The following FAM167A variants were observed in gnomAD, a reference collection of about 807,000 sequenced individuals.
The protein encoded by FAM167A is family with sequence similarity 167 member A, also known as protein FAM167A.
Under a neutral mutation model 14.9 loss-of-function variants are expected in FAM167A, and 23 were observed. The observed-to-expected ratio is 1.55, with a 90% CI of 1.11 to 2.19. FAM167A has a LOEUF of 2.19. FAM167A is among the 30% of genes most tolerant of loss of function. The pLI is 0.00. For synonymous variants in FAM167A, 174 were observed against 117.7 expected (o/e 1.48, Z -3.10); for missense variants, 401 against 281.5 (o/e 1.42, Z -3.04).
rs1372138590 is a variant in FAM167A at position 11,466,642 on chromosome 8, G to A, written c.-414C>T. 1 of 152,388 alleles carries A rather than the reference G, an allele frequency of 6.6e-6. No individual in the cohort carries two copies. Among genetic ancestry groups the A allele is most frequent in the African/African-American group, 2.4e-5 (1 of 41,464 alleles). The allele number at this position is 152,388 out of a possible 1,614,324, so 9.4% of individuals were successfully genotyped here. A position where few individuals can be genotyped will look rare whatever the true frequency, so the allele number is the denominator to read the frequency against. On this transcript the variant is annotated 5_prime_UTR_variant, in exon 1 of 3. Transcript: ENST00000284486. ...CGAACCCACCTTCCGGGAGCCCAGG[G>A]GCCCTGCTGGGGACTCGCCGGTGTC... is the stretch of plus-strand genomic sequence containing the variant.
chr8:11,472,685 T>C (rs538065457), intron 1 of FAM167A, among the ~76,000 whole-genome samples: 1 of 152,158 alleles, frequency 6.6e-6, no homozygotes, highest in South Asian at 2.1e-4. Flanking sequence ...CTACTTTGAG[T>C]AATGGAAAGA....
chr8:11,455,798 TGA>T (rs1472208572), intron 1 of FAM167A, among the ~76,000 whole-genome samples: 5 of 145,620 alleles, frequency 3.4e-5, no homozygotes, highest in Non-Finnish European at 6.0e-5. Context: ...TGGGGTTGTG[TGA>T]GTGTTGGGTG....
At position 11,444,163 on chromosome 8, in the gene FAM167A, G is replaced by C; in HGVS notation, c.249C>G (p.Leu83=). Residue 83 remains leucine (L), a synonymous_variant, in exon 2 of 3, where the codon CTC becomes CTG. Transcript: ENST00000284486. ...EGERGGQEPL[L]PLREAGQHPP... ...GGTGCTGCCCAGCCTCTCTCAGGGG[G>C]AGCAAGGGCTCCTGCCCCCCACGCT... 6.2e-7 allele frequency: 1 copy of C among 1,613,060 alleles called. No homozygotes were observed. Among genetic ancestry groups the C allele is most frequent in the South Asian group, 1.1e-5 (1 of 91,028 alleles).
chr8:11,435,754 T>G (rs1805961292), intron 2 of FAM167A, among the ~76,000 whole-genome samples: 6 of 152,194 alleles, frequency 3.9e-5, no homozygotes, highest in Admixed American at 3.3e-4. Context: ...TTCAATTTCC[T>G]CATCTGCTAC....
At chr8:11,455,313 G>A (rs1205448203) in intron 1 of FAM167A, among the ~76,000 whole-genome samples, 3 of 147,238 alleles carry the variant, frequency 2.0e-5, no homozygotes, top group Non-Finnish European at 3.0e-5. Flanking sequence ...TCCTGGGTGT[G>A]TGTGAGTGTG....
At chr8:11,458,480 C>T (rs899714343) in intron 1 of FAM167A, among the ~76,000 whole-genome samples, 1 of 152,146 alleles carries the variant, frequency 6.6e-6, no homozygotes, top group African/African-American at 2.4e-5. Context: ...TCAGGTGGTT[C>T]TGAAGGGACC....
chr8:11,446,376 C>A (rs1186012719), intron 1 of FAM167A: 1 of 152,230 alleles, frequency 6.6e-6, no homozygotes, highest in Non-Finnish European at 1.5e-5. Context: ...TCCACCCCAA[C>A]TGGTAAGCAG....
In FAM167A at chr8:11,423,980, G is replaced by A. The variant is rs1258302577; in HGVS notation, c.*393C>T. On this transcript the variant is annotated 3_prime_UTR_variant, in exon 3 of 3. Transcript: ENST00000284486. The stretch of plus-strand genomic sequence containing the variant: ...GCCTAATTTCCCCCAAGGCCCTTGC[G>A]GGACAGCCTTCTGCAAAAATGACAG... 1.9e-5 allele frequency: 4 copies of A among 210,434 alleles called. No individual in the cohort carries two copies. The highest frequency in any genetic ancestry group is 2.9e-5 in the Non-Finnish European group (3 of 103,724). The allele number at this position is 210,434 out of a possible 1,614,324, so 13.0% of individuals were successfully genotyped here. A position where few individuals can be genotyped will look rare whatever the true frequency, so the allele number is the denominator to read the frequency against.
At chr8:11,464,733 C>G (rs1171975497) in intron 1 of FAM167A, among the ~76,000 whole-genome samples, 2 of 152,206 alleles carry the variant, frequency 1.3e-5, no homozygotes, top group Non-Finnish European at 2.9e-5. Context: ...TCTGGGAATA[C>G]CGGGGCTCCT....
intron 1 of FAM167A, among the ~76,000 whole-genome samples, chr8:11,452,541 C>T (rs1178875378): frequency 6.6e-6 from 1 of 152,170 alleles, no homozygotes; most frequent in African/African-American, 2.4e-5. Flanking sequence ...GCATCTGTCT[C>T]CCACAGGCTG....
chr8:11,434,717 G>C (rs1805876954), intron 2 of FAM167A: 1 of 241,220 alleles, frequency 4.1e-6, no homozygotes, highest in Non-Finnish European at 8.2e-6. Context: ...TCTGCCACTA[G>C]GGGCTCTGGG....
At chr8:11,426,333 C>G (rs895144599) in intron 2 of FAM167A, among the ~76,000 whole-genome samples, 1 of 152,192 alleles carries the variant, frequency 6.6e-6, no homozygotes, top group African/African-American at 2.4e-5. Flanking sequence ...CAAACAGTAA[C>G]TGGACCACCT....
intron 2 of FAM167A, chr8:11,438,238 A>G (rs79145090): frequency 0.088 from 37,404 of 424,312 alleles, 1,992 homozygotes; most frequent in Non-Finnish European, 0.11. Context: ...GGATCCTCCA[A>G]CTCCCTTCTC....
At chr8:11,458,013 G>A (rs751331890) in intron 1 of FAM167A, among the ~76,000 whole-genome samples, 3 of 152,176 alleles carry the variant, frequency 2.0e-5, no homozygotes, top group East Asian at 1.9e-4. Context: ...TGCTGATGAC[G>A]CTGATGCGGT....
chr8:11,431,010 C>T (rs1272926270), intron 2 of FAM167A, among the ~76,000 whole-genome samples: 2 of 152,126 alleles, frequency 1.3e-5, no homozygotes, highest in South Asian at 4.1e-4. Flanking sequence ...TGGCGGGTCC[C>T]GGAAAGTTAA....
At chr8:11,424,967 CAT>C (rs926408971) in intron 2 of FAM167A, among the ~76,000 whole-genome samples, 4 of 152,062 alleles carry the variant, frequency 2.6e-5, no homozygotes, top group South Asian at 2.1e-4. Context: ...TAAAGGAAAA[CAT>C]AGGGTAACAG....
At chr8:11,445,631 G>A (rs1806741849) in intron 1 of FAM167A, 2 of 984,654 alleles carry the variant, frequency 2.0e-6, no homozygotes, top group Admixed American at 6.2e-5. Context: ...CAGAGAGGAG[G>A]CATAAGCCCC....
chr8:11,425,138 ATATT>A lies in FAM167A; in HGVS notation c.382-506_382-503del, dbSNP rs1805048187. ...CTTTAAACGTTTTAGAATGCCTGAA[ATATT>A]TCTTAGTAAAGTTTCAAAACAGCCA... On this transcript the variant is annotated intron_variant, in intron 2 of 2. Transcript: ENST00000284486. 6.6e-5 allele frequency among the ~76,000 whole-genome samples: 10 copies of A among 151,550 alleles called. No individual in the cohort carries two copies. The South Asian group carries it at 2.1e-3, about 31-fold the overall frequency.
At chr8:11,436,357 C>T (rs538232587) in intron 2 of FAM167A, among the ~76,000 whole-genome samples, 7 of 152,354 alleles carry the variant, frequency 4.6e-5, no homozygotes, top group Admixed American at 1.3e-4. Flanking sequence ...CCTCGTGAGG[C>T]CAAGCAGCCA....
Sources: gnomAD v4.1 joint callset for allele counts (sites outside exome capture counted in the v4.1 genomes callset) on GRCh38, gnomAD v4.1.1 for gene constraint, MANE v1.5 for transcripts, NCBI Gene and HGNC (gene_info 2026-07-23, HGNC 2026-07-21) for gene names.